Variants in DFFB observed in about 807,000 individuals in gnomAD.
The protein encoded by DFFB is DNA fragmentation factor subunit beta.
DFFB carries 29 observed loss-of-function variants against 32.7 expected under a neutral mutation model. The ratio of observed to expected loss-of-function variants is 0.89; its 90% CI spans 0.66 to 1.21. The LOEUF (loss-of-function observed/expected upper bound fraction) is 1.21. DFFB is among the 50% of genes most tolerant of loss of function. DFFB has a pLI of 0.00. For missense variants in DFFB, 398 were observed against 440.6 expected, an observed-to-expected ratio of 0.90 and a Z score of 0.87; for synonymous variants, 170 against 177.1, an observed-to-expected ratio of 0.96 and a Z score of 0.32.
chr1:3,867,322 G>T (rs534908295), intron 3 of DFFB, among the ~76,000 whole-genome samples: 1 of 152,202 alleles, frequency 6.6e-6, no homozygotes, highest in African/African-American at 2.4e-5. Flanking sequence ...GCCACGCTCC[G>T]TCTGTTCACT....
At chr1:3,871,700 G>T (rs1024212015) in intron 5 of DFFB, among the ~76,000 whole-genome samples, 2 of 152,198 alleles carry the variant, frequency 1.3e-5, no homozygotes, top group African/African-American at 4.8e-5. Context: ...GGCCATTCTC[G>T]CATTGCTATA....
chr1:3,869,742 C>T lies in DFFB; in HGVS notation c.648C>T (p.Arg216=). The T allele has an allele frequency of 6.2e-7, 1 of 1,610,000 alleles. No individual in the cohort carries two copies. ...ACAGAGGAGCCAAGGGCGGCAGCCG[C>T]CTCTGCACACCGGAAGGCTGGTTCT... ...YFDRGAKGGS[R]LCTPEGWFSC... is the part of the protein sequence containing the mutation. Residue 216 remains arginine, a synonymous_variant, in exon 5 of 7, where the codon CGC becomes CGT. Transcript: ENST00000378209.
In DFFB at chr1:3,884,207, A is replaced by C. The variant is rs1055131119; in HGVS notation, c.*466A>C. The stretch of plus-strand genomic sequence containing the variant: ...CCTGAATCATTTCTTATACCTTCTG[A>C]CAGCCCAACTTCCAGAGGACAGCTC... On this transcript the variant is annotated 3_prime_UTR_variant, in exon 7 of 7. Coordinates refer to ENST00000378209, the MANE Select transcript of DFFB (RefSeq NM_004402.4). The C allele has an allele frequency of 5.3e-6, 1 of 189,964 alleles. No homozygotes were observed. The highest frequency in any genetic ancestry group is 2.4e-5 in the African/African-American group (1 of 42,212). The allele number at this position is 189,964 out of a possible 1,614,324, so 11.8% of individuals were successfully genotyped here.
At chr1:3,857,807 G>T (rs924273494) in intron 1 of DFFB, 90 bp downstream of exon 1, 23 of 970,726 alleles carry the variant, frequency 2.4e-5, no homozygotes, top group Non-Finnish European at 3.1e-5. Context: ...AACGGAGGGT[G>T]CAGGCGGCGC....
At chr1:3,864,070 G>A (rs1196008489) in intron 2 of DFFB, among the ~76,000 whole-genome samples, 2 of 152,014 alleles carry the variant, frequency 1.3e-5, no homozygotes, top group African/African-American at 2.4e-5. Context: ...GGGTTCAAGC[G>A]ATTCTCTTGC....
chr1:3,871,174 G>A (rs568795842), intron 5 of DFFB, among the ~76,000 whole-genome samples: 10 of 152,348 alleles, frequency 6.6e-5, no homozygotes, highest in Non-Finnish European at 1.3e-4. Context: ...GGGTGCTGGT[G>A]TGTGATCACA....
chr1:3,872,952 C>T (rs1304699407), intron 6 of DFFB: 7 of 1,230,784 alleles, frequency 5.7e-6, no homozygotes, highest in Admixed American at 2.9e-5. Context: ...TGAGCTCAGA[C>T]AGCGGGAGCT....
chr1:3,867,342 G>T (rs1257766531), intron 3 of DFFB, among the ~76,000 whole-genome samples: 2 of 152,262 alleles, frequency 1.3e-5, no homozygotes, highest in African/African-American at 4.8e-5. Context: ...TCCGCTGCGT[G>T]TAGATACCAC....
Position 3,872,557 on chromosome 1 carries a change from G to A in DFFB, c.767G>A (p.Trp256Ter). 1 of 1,613,942 alleles carries A rather than the reference G, an allele frequency of 6.2e-7. No individual in the cohort carries two copies. Among genetic ancestry groups the A allele is most frequent in the Non-Finnish European group, 8.5e-7 (1 of 1,179,920 alleles). Residue 256 changes from tryptophan to a stop codon, truncating the protein, a stop_gained, in exon 6 of 7, where the codon TGG (tryptophan) becomes TAG (stop). Coordinates refer to ENST00000378209, the MANE Select transcript of DFFB (RefSeq NM_004402.4). LOFTEE classifies it low-confidence loss of function (END_TRUNC). ...NRESRILFST[W>*]NLDHIIEKKR... ...GAGAGCAGGATCCTCTTCAGCACCT[G>A]GAACCTGGATCACATGTAAGCTCAC...
At chr1:3,866,708 C>T (rs1255805500) in intron 3 of DFFB, among the ~76,000 whole-genome samples, 1 of 152,094 alleles carries the variant, frequency 6.6e-6, no homozygotes, top group Non-Finnish European at 1.5e-5. Context: ...AACCCGTGTC[C>T]CTGTTACATC....
intron 6 of DFFB, among the ~76,000 whole-genome samples, chr1:3,881,381 C>T (rs564141266): frequency 1.3e-5 from 2 of 152,364 alleles, no homozygotes; most frequent in South Asian, 2.1e-4. Context: ...CCGGGCTCCA[C>T]TCAAGCTTTT....
chr1:3,880,002 G>A (rs1289254878), intron 6 of DFFB, among the ~76,000 whole-genome samples: 3 of 152,218 alleles, frequency 2.0e-5, no homozygotes, highest in Admixed American at 6.5e-5. Flanking sequence ...GGAGGTAAAC[G>A]CCAATGCCTT....
Position 3,884,041 on chromosome 1 carries a change from G to A in DFFB, c.*300G>A, listed in dbSNP as rs987469462. 3.1e-5 allele frequency: 11 copies of A among 358,080 alleles called. No homozygotes were observed. In the Admixed American group the frequency reaches 4.4e-4, roughly 14 times the overall value. 22.2% of individuals were successfully genotyped at this position (358,080 alleles called of 1,614,324 possible). On this transcript the variant is annotated 3_prime_UTR_variant, in exon 7 of 7. Transcript: ENST00000378209. Reference sequence around the variant, plus strand: ...TGGGATTACAGGCATGTGCCACCACGCCCGGCTAATGTTTGTATTTTTAGT... The same window carrying A: ...TGGGATTACAGGCATGTGCCACCACACCCGGCTAATGTTTGTATTTTTAGT...
chr1:3,863,031 T>C (rs1272527123), intron 2 of DFFB, among the ~76,000 whole-genome samples: 2 of 152,178 alleles, frequency 1.3e-5, no homozygotes, highest in South Asian at 2.1e-4. Flanking sequence ...CGCCTGTAAT[T>C]CCAGCTACTC....
intron 6 of DFFB, among the ~76,000 whole-genome samples, chr1:3,873,437 C>T (rs35371895): frequency 0.14 from 21,382 of 151,688 alleles, 1,516 homozygotes; most frequent in South Asian, 0.17. Context: ...ACCAACATGA[C>T]GCTCAGAGGA....
chr1:3,872,667 G>T, intron 6 of DFFB, 95 bp downstream of exon 6: 1 of 1,133,720 alleles, frequency 8.8e-7, no homozygotes, highest in African/African-American at 1.5e-5. Context: ...CCCTGCCACG[G>T]CCCTGTCCCT....
intron 1 of DFFB, 70 bp from the exon 2 acceptor site, chr1:3,858,648 T>C (rs1644810864): frequency 6.4e-7 from 1 of 1,559,298 alleles, no homozygotes; most frequent in East Asian, 2.3e-5. Flanking sequence ...CGGTCGTTTG[T>C]GAGGCCTGCA....
intron 1 of DFFB, 144 bp from the exon 2 acceptor site, chr1:3,858,574 G>C (rs1403186195): frequency 8.9e-6 from 9 of 1,006,202 alleles, no homozygotes; most frequent in Non-Finnish European, 1.3e-5. Context: ...CCTTGCCTGG[G>C]CGTTGGAGCG....
intron 6 of DFFB, among the ~76,000 whole-genome samples, chr1:3,873,722 G>A (rs1192599719): frequency 2.6e-5 from 4 of 151,970 alleles, no homozygotes; most frequent in Admixed American, 1.3e-4. Flanking sequence ...CAGGTGATCC[G>A]CCCGCCTCAG....
Sources: gnomAD v4.1 joint callset for allele counts (sites outside exome capture counted in the v4.1 genomes callset) on GRCh38, gnomAD v4.1.1 for gene constraint, MANE v1.5 for transcripts, NCBI Gene and HGNC (gene_info 2026-07-23, HGNC 2026-07-21) for gene names.